Variants in EXPH5 observed in about 807,000 individuals in gnomAD.
EXPH5 encodes the protein exophilin-5.
A neutral mutation model predicts 41.1 loss-of-function variants in EXPH5; 42 were observed. That is an observed-to-expected ratio of 1.02 (90% CI 0.80 to 1.32). The LOEUF (loss-of-function observed/expected upper bound fraction) is 1.32. Among genes scored for constraint, EXPH5 ranks in the 40% most tolerant of loss-of-function variants. The pLI is 0.00. For synonymous variants in EXPH5, 798 were observed against 833.5 expected (o/e 0.96, Z 0.73); for missense variants, 2,298 against 2,314.5 (o/e 0.99, Z 0.15).
upstream of EXPH5, among the ~76,000 whole-genome samples, chr11:108,595,279 A>G (rs2094137157): frequency 6.6e-6 from 1 of 152,264 alleles, no homozygotes; most frequent in South Asian, 2.1e-4. Flanking sequence ...AAAAAAGAAC[A>G]TAATAGAGGA....
chr11:108,559,145 G>C (rs2094001690), intron 1 of EXPH5, among the ~76,000 whole-genome samples: 1 of 152,098 alleles, frequency 6.6e-6, no homozygotes, highest in Non-Finnish European at 1.5e-5. Flanking sequence ...TTGCATGCTG[G>C]TTGTCTCATC....
At chr11:108,584,933 T>C (rs1216012767) in intron 1 of EXPH5, among the ~76,000 whole-genome samples, 1 of 152,194 alleles carries the variant, frequency 6.6e-6, no homozygotes, top group Non-Finnish European at 1.5e-5. Context: ...TAACTTTTAC[T>C]CCACAAAGAC....
At position 108,513,058 on chromosome 11, in the gene EXPH5, T is replaced by C. The variant is rs754015187; in HGVS notation, c.2449A>G (p.Arg817Gly). The change falls in exon 6 of 6, where the codon AGA becomes GGA. Residue 817 changes from arginine (R) to glycine (G), a missense_variant. Arg to Gly is a moderately radical substitution (Grantham distance 125). Transcript: ENST00000265843. ...TASLPFIQEH[R>G]TPPSFPRTDQ... ...GTCCTGGGGAAAGATGGTGGTGTTC[T>C]GTGTTCCTGAATGAAAGGAAGGGAA... The C allele has an allele frequency of 3.9e-5, 63 of 1,613,060 alleles. No homozygotes were observed. The highest frequency in any genetic ancestry group is 5.3e-5 in the Non-Finnish European group (62 of 1,179,740).
rs1194464219 is a variant in EXPH5 at position 108,514,263 on chromosome 11, T to C, written c.1244A>G (p.Tyr415Cys). 3 of 1,614,058 alleles carry C rather than the reference T, an allele frequency of 1.9e-6. No individual in the cohort carries two copies. The highest frequency in any genetic ancestry group is 3.3e-5 in the Admixed American group (2 of 59,996). ...AACATTCTGTGAATGGTACGATTCA[T>C]ATCTCTTATTCTCCTGAAAACCCCT... The part of the protein sequence containing the change: ...YPRGFQENKR[Y>C]ESYHSQNVYQ... Residue 415 changes from tyrosine to cysteine, a missense_variant, in exon 6 of 6, where the codon TAT becomes TGT. By Grantham distance (194) the Tyr-to-Cys change is radical (BLOSUM62 -2). Transcript: ENST00000265843.
In EXPH5 at chr11:108,573,198, A is replaced by AAGAAAGAAAGAAAAAG. The variant is rs1456627760; in HGVS notation, c.119+20219_119+20220insCTTTTTCTTTCTTTCT. On this transcript the variant is annotated intron_variant, in intron 1 of 5. Transcript: ENST00000265843. ...AAAGAAAGAAAGAAAGAAAGAAAGA[A>AAGAAAGAAAGAAAAAG]AAAGAAAGAAAGAAAGAAAGAAAGG... Among the ~76,000 whole-genome samples, 8 of 108,276 alleles carry AAGAAAGAAAGAAAAAG rather than the reference A, an allele frequency of 7.4e-5. No homozygotes were observed. The East Asian group carries it at 8.3e-4, about 11-fold the overall frequency. 71.0% of individuals were successfully genotyped at this position (108,276 alleles called of 152,430 possible).
chr11:108,591,134 C>A (rs2094126545), intron 1 of EXPH5, among the ~76,000 whole-genome samples: 2 of 152,212 alleles, frequency 1.3e-5, no homozygotes, highest in Non-Finnish European at 2.9e-5. Flanking sequence ...AAAAAGGCTT[C>A]CCTGAGTCTC....
chr11:108,569,678 G>A (rs1216371983), intron 1 of EXPH5, among the ~76,000 whole-genome samples: 1 of 152,196 alleles, frequency 6.6e-6, no homozygotes, highest in African/African-American at 2.4e-5. Context: ...TCACGGCATT[G>A]AAAGCTTACA....
At chr11:108,533,535 T>G (rs1222519744) in intron 3 of EXPH5, among the ~76,000 whole-genome samples, 1 of 152,142 alleles carries the variant, frequency 6.6e-6, no homozygotes, top group Non-Finnish European at 1.5e-5. Flanking sequence ...TCTGCCCCTT[T>G]TTTTGTTTTC....
At chr11:108,527,143 A>G (rs1386810627) in intron 4 of EXPH5, among the ~76,000 whole-genome samples, 1 of 152,088 alleles carries the variant, frequency 6.6e-6, no homozygotes, top group African/African-American at 2.4e-5. Context: ...AATATGGTGA[A>G]ACCCTGTGTC....
chr11:108,601,706 C>T, the EXPH5 span, among the ~76,000 whole-genome samples: 1 of 151,814 alleles, frequency 6.6e-6, no homozygotes, highest in Non-Finnish European at 1.5e-5. Context: ...TCCCTCCCTC[C>T]CTCTCTTTCC....
chr11:108,577,621 C>T (rs1213410276), intron 1 of EXPH5, among the ~76,000 whole-genome samples: 1 of 151,948 alleles, frequency 6.6e-6, no homozygotes, highest in East Asian at 1.9e-4. Context: ...CAGGGTTTCG[C>T]CGTGTTGCCC....
At chr11:108,594,767 C>A (rs2094136297), upstream of EXPH5, among the ~76,000 whole-genome samples, 1 of 152,204 alleles carries the variant, frequency 6.6e-6, no homozygotes, top group East Asian at 1.9e-4. Context: ...CATTTCTTTT[C>A]ATGGCACATA....
chr11:108,593,283 C>T, intron 1 of EXPH5, 135 bp downstream of exon 1: 1 of 753,526 alleles, frequency 1.3e-6, no homozygotes, highest in African/African-American at 1.7e-5. Flanking sequence ...TTTCTCTTCC[C>T]GACCCGCAGC....
rs779805700 is a variant in EXPH5, at chr11:108,511,657, C to T, written c.3850G>A (p.Val1284Met). Reference sequence around the variant, plus strand: ...GCGTTAGGAAATGTTTCAGTCTCCACTTGAGGTGATTCTATAAGTAAATTA... The same window carrying T: ...GCGTTAGGAAATGTTTCAGTCTCCATTTGAGGTGATTCTATAAGTAAATTA... ...NTNLLIESPQ[V>M]ETETFPNALE... Residue 1284 changes from valine to methionine, a missense_variant, in exon 6 of 6, where the codon GTG (valine) becomes ATG (methionine). Coordinates refer to ENST00000265843, the MANE Select transcript of EXPH5 (RefSeq NM_015065.3). The T allele has an allele frequency of 2.5e-6, 4 of 1,605,908 alleles. No individual in the cohort carries two copies. The South Asian group carries it at 3.4e-5, about 14-fold the overall frequency.
chr11:108,522,603 C>A (rs989222622), intron 4 of EXPH5, among the ~76,000 whole-genome samples: 4 of 152,140 alleles, frequency 2.6e-5, no homozygotes, highest in Non-Finnish European at 2.9e-5. Context: ...TGCATTAAAT[C>A]CTTGTAGCAG....
intron 1 of EXPH5, among the ~76,000 whole-genome samples, chr11:108,544,179 A>G (rs1322245538): frequency 6.6e-6 from 1 of 152,080 alleles, no homozygotes; most frequent in Non-Finnish European, 1.5e-5. Flanking sequence ...TCTTTTTACA[A>G]TTTTTATTTA....
In EXPH5 at chr11:108,514,346, C is replaced by G; in HGVS notation, c.1161G>C (p.Glu387Asp). 1 of 1,613,444 alleles carries G rather than the reference C, an allele frequency of 6.2e-7. No individual in the cohort carries two copies. Among genetic ancestry groups the G allele is most frequent in the South Asian group, 1.1e-5 (1 of 90,898 alleles). Residue 387 changes from glutamate (E) to aspartate (D), a missense_variant, in exon 6 of 6, where the codon GAG becomes GAC. By Grantham distance (45) the Glu-to-Asp change is conservative (BLOSUM62 2). Transcript: ENST00000265843. ...CCATTGGTGATGGTGCCCTCAGGAACTCTTCCTGGTTCTCCCTGTCTCTAG... is the reference window on the plus strand; with the variant it reads ...CCATTGGTGATGGTGCCCTCAGGAAGTCTTCCTGGTTCTCCCTGTCTCTAG... ...DSSRDRENQE[E>D]FLRAPSPMEI...
At chr11:108,583,993 C>T (rs963101047) in intron 1 of EXPH5, among the ~76,000 whole-genome samples, 1 of 152,078 alleles carries the variant, frequency 6.6e-6, no homozygotes, top group Non-Finnish European at 1.5e-5. Flanking sequence ...GGTACAAGAT[C>T]AATATCAAAA....
upstream of EXPH5, among the ~76,000 whole-genome samples, chr11:108,597,853 T>C (rs1242534865): frequency 6.6e-6 from 1 of 152,168 alleles, no homozygotes; most frequent in East Asian, 1.9e-4. Context: ...CAAAAACTAT[T>C]AGAACTAAAG....
Sources: allele counts gnomAD v4.1 joint callset (sites outside exome capture counted in the v4.1 genomes callset), GRCh38; gene constraint gnomAD v4.1.1; transcripts MANE v1.5; gene names NCBI Gene and HGNC (gene_info 2026-07-23, HGNC 2026-07-21).